ROBO1: variants seen among roughly 807,000 people sequenced by gnomAD.
ROBO1 encodes roundabout guidance receptor 1, also known as roundabout homolog 1.
ROBO1 carries 149 observed loss-of-function variants against 195.9 expected under a neutral mutation model. That is an observed-to-expected ratio of 0.76 (90% CI 0.67 to 0.87). ROBO1 has a LOEUF of 0.87. ROBO1 is among the 40% of genes least tolerant of loss of function. The pLI, the probability that ROBO1 is intolerant of heterozygous loss-of-function variation, is 0.00. For synonymous variants in ROBO1, 816 were observed against 733.2 expected (o/e 1.11, Z -1.82); for missense variants, 1,933 against 2,068.3 (o/e 0.93, Z 1.27).
At chr3:79,636,077 G>A (rs1945487023) in intron 1 of ROBO1, among the ~76,000 whole-genome samples, 1 of 152,008 alleles carries the variant, frequency 6.6e-6, no homozygotes, top group Admixed American at 6.6e-5. Flanking sequence ...ATTTAGAAAT[G>A]GAGATCATTT....
intron 3 of ROBO1, among the ~76,000 whole-genome samples, chr3:79,069,759 A>G (rs1202983682): frequency 1.3e-5 from 2 of 151,898 alleles, no homozygotes; most frequent in Non-Finnish European, 2.9e-5. Flanking sequence ...TCTGTGCCTC[A>G]GTTTTCTGAC....
intron 2 of ROBO1, among the ~76,000 whole-genome samples, chr3:79,287,724 CA>C (rs1404480782): frequency 1.3e-5 from 2 of 152,096 alleles, no homozygotes; most frequent in Non-Finnish European, 2.9e-5. Context: ...CCCGCCTATA[CA>C]ACTTTTTATT....
chr3:79,035,824 CT>C (rs566332834), intron 3 of ROBO1, among the ~76,000 whole-genome samples: 135 of 151,894 alleles, frequency 8.9e-4, no homozygotes, highest in Non-Finnish European at 1.1e-3. Flanking sequence ...TGAAATTTAG[CT>C]TTTGTTAAAC....
chr3:78,940,911 CCTAA>C (rs1164242630), intron 3 of ROBO1, among the ~76,000 whole-genome samples: 3 of 152,112 alleles, frequency 2.0e-5, no homozygotes, highest in African/African-American at 7.2e-5. Context: ...ACAAGAAAGA[CCTAA>C]CTAAGCAGAA....
chr3:78,674,220 C>T (rs944878122), intron 10 of ROBO1, among the ~76,000 whole-genome samples: 2 of 152,104 alleles, frequency 1.3e-5, no homozygotes, highest in East Asian at 1.9e-4. Context: ...AAGTCAAATG[C>T]TATTAGGGAT....
chr3:79,074,222 G>A (rs553936421), intron 3 of ROBO1, among the ~76,000 whole-genome samples: 127 of 151,864 alleles, frequency 8.4e-4, no homozygotes, highest in Non-Finnish European at 1.4e-3. Context: ...AAGCACCTTG[G>A]AGTTAAAGGC....
At chr3:79,177,440 G>A (rs1263380385) in intron 2 of ROBO1, among the ~76,000 whole-genome samples, 3 of 152,134 alleles carry the variant, frequency 2.0e-5, no homozygotes, top group African/African-American at 7.2e-5. Flanking sequence ...AGGGGCTAGG[G>A]ATATATAGGA....
chr3:79,745,186 G>T (rs1288083758), intron 1 of ROBO1, among the ~76,000 whole-genome samples: 3 of 152,018 alleles, frequency 2.0e-5, no homozygotes, highest in African/African-American at 7.3e-5. Context: ...CATTGTCCTT[G>T]GTTGTCCCTG....
chr3:78,719,222 C>T (rs561641200), intron 5 of ROBO1, among the ~76,000 whole-genome samples: 1 of 152,140 alleles, frequency 6.6e-6, no homozygotes, highest in East Asian at 1.9e-4. Flanking sequence ...ACCAGAATGA[C>T]GCCTGCACGC....
At chr3:78,946,370 A>G (rs1480106630) in intron 3 of ROBO1, among the ~76,000 whole-genome samples, 2 of 152,230 alleles carry the variant, frequency 1.3e-5, no homozygotes, top group South Asian at 2.1e-4. Context: ...CCAATATTCA[A>G]CATTCTTAAA....
intron 2 of ROBO1, among the ~76,000 whole-genome samples, chr3:79,542,893 T>C (rs1942128274): frequency 6.6e-6 from 1 of 152,110 alleles, no homozygotes; most frequent in Admixed American, 6.6e-5. Flanking sequence ...CCCTTTAATA[T>C]AGCAATTCAT....
At chr3:78,697,247 G>A (rs569510296) in intron 8 of ROBO1, among the ~76,000 whole-genome samples, 2 of 144,292 alleles carry the variant, frequency 1.4e-5, no homozygotes, top group Admixed American at 6.9e-5. Context: ...AGAAAGGAAG[G>A]AAGGAAATAA....
At chr3:79,395,283 C>CT (rs1361406898) in intron 2 of ROBO1, among the ~76,000 whole-genome samples, 8 of 134,420 alleles carry the variant, frequency 6.0e-5, no homozygotes, top group Non-Finnish European at 1.2e-4. Context: ...GATCCCGCCA[C>CT]TGTACTCCAG....
chr3:79,159,790 C>G (rs1035626977), intron 2 of ROBO1, among the ~76,000 whole-genome samples: 1 of 151,986 alleles, frequency 6.6e-6, no homozygotes, highest in Admixed American at 6.6e-5. Flanking sequence ...TGCTTGATTT[C>G]GGTCTGGCCA....
chr3:79,550,163 GAAA>G lies in ROBO1; in HGVS notation c.88+39658_88+39660del, dbSNP rs775366849. On this transcript the variant is annotated intron_variant, in intron 2 of 30. Transcript: ENST00000464233. Reference sequence around the variant, plus strand: ...AAACAAAAAGAAAGGAAGAAAGAAAGAAAGGAAGAAAGAAAGAAAGAAAGAAAG... The same window carrying G: ...AAACAAAAAGAAAGGAAGAAAGAAAGGGAAGAAAGAAAGAAAGAAAGAAAG... Among the ~76,000 whole-genome samples the G allele has an allele frequency of 1.2e-3, 129 of 106,674 alleles. 3 individuals carry two copies. Among genetic ancestry groups the G allele is most frequent in the Non-Finnish European group, 1.9e-3 (105 of 55,308 alleles). 70.0% of individuals were successfully genotyped at this position (106,674 alleles called of 152,430 possible).
chr3:79,507,552 C>G (rs1369567199), intron 2 of ROBO1, among the ~76,000 whole-genome samples: 2 of 152,068 alleles, frequency 1.3e-5, no homozygotes, highest in East Asian at 3.9e-4. Flanking sequence ...TTTGGTGGTC[C>G]TTCTATGCAC....
chr3:79,035,339 T>G (rs1420877817), intron 3 of ROBO1, among the ~76,000 whole-genome samples: 1 of 152,202 alleles, frequency 6.6e-6, no homozygotes, highest in Non-Finnish European at 1.5e-5. Context: ...GGTCTGTCAC[T>G]TTTACGGATC....
chr3:78,759,863 G>A (rs777693689), intron 4 of ROBO1, among the ~76,000 whole-genome samples: 9 of 152,160 alleles, frequency 5.9e-5, no homozygotes, highest in Admixed American at 1.3e-4. Context: ...AAAATGAAAG[G>A]AGACATATCA....
chr3:79,409,567 C>T (rs1284239761), intron 2 of ROBO1, among the ~76,000 whole-genome samples: 1 of 152,082 alleles, frequency 6.6e-6, no homozygotes, highest in East Asian at 1.9e-4. Context: ...GTGTCTCAAG[C>T]AAAATTGTCT....
Sources: gnomAD v4.1 joint callset for allele counts (sites outside exome capture counted in the v4.1 genomes callset) on GRCh38, gnomAD v4.1.1 for gene constraint, MANE v1.5 for transcripts, NCBI Gene and HGNC (gene_info 2026-07-23, HGNC 2026-07-21) for gene names.